The following PPP1R13B variants were observed in gnomAD, a reference collection of about 807,000 sequenced individuals.
PPP1R13B encodes the protein apoptosis-stimulating of p53 protein 1.
In PPP1R13B, 44 loss-of-function variants were observed where a neutral mutation model predicts 119.8. The ratio of observed to expected loss-of-function variants is 0.37; its 90% CI spans 0.29 to 0.47. The LOEUF is 0.47. Ranked by LOEUF, PPP1R13B falls within the 20% of genes least tolerant of loss-of-function variation. The pLI is 0.99. For synonymous variants in PPP1R13B, 542 were observed against 561.5 expected, an observed-to-expected ratio of 0.97 and a Z score of 0.49; for missense variants, 1,227 against 1,413.5, an observed-to-expected ratio of 0.87 and a Z score of 2.12.
intron 1 of PPP1R13B, among the ~76,000 whole-genome samples, chr14:103,843,976 C>T (rs1431314752): frequency 6.7e-6 from 1 of 148,368 alleles, no homozygotes; most frequent in Admixed American, 6.7e-5. Context: ...AGTGGAAAGG[C>T]CAGGTGCAGG....
intron 7 of PPP1R13B, among the ~76,000 whole-genome samples, chr14:103,752,398 G>A (rs1052503902): frequency 4.6e-5 from 7 of 152,124 alleles, no homozygotes; most frequent in South Asian, 4.1e-4. Flanking sequence ...TAAGAGGTGC[G>A]GGCCTTTTTT....
chr14:103,816,736 A>T (rs538867049), intron 1 of PPP1R13B, among the ~76,000 whole-genome samples: 187 of 152,172 alleles, frequency 1.2e-3, no homozygotes, highest in African/African-American at 4.4e-3. Context: ...AAACATTTAT[A>T]GCTGTACCTT....
chr14:103,836,612 TA>T (rs1009257634), intron 1 of PPP1R13B, among the ~76,000 whole-genome samples: 1 of 150,918 alleles, frequency 6.6e-6, no homozygotes, highest in East Asian at 2.0e-4. Flanking sequence ...CTACTAAAGA[TA>T]AAAAAAATTA....
intron 1 of PPP1R13B, among the ~76,000 whole-genome samples, chr14:103,822,122 G>T (rs1243532970): frequency 6.6e-6 from 1 of 151,902 alleles, no homozygotes. Flanking sequence ...CCCAAGAGAT[G>T]AGGATCAAAA....
At chr14:103,841,182 G>A (rs8004525) in intron 1 of PPP1R13B, among the ~76,000 whole-genome samples, 3,345 of 151,294 alleles carry the variant, frequency 0.022, 115 homozygotes, top group African/African-American at 0.076. Flanking sequence ...CTACTCGGGA[G>A]GCTGAGGCAG....
chr14:103,777,978 A>T (rs150258893), intron 4 of PPP1R13B, among the ~76,000 whole-genome samples: 3 of 143,478 alleles, frequency 2.1e-5, no homozygotes, highest in African/African-American at 7.8e-5. Flanking sequence ...TTTGAGATGG[A>T]ATTTCGCTCG....
chr14:103,769,326 A>T (rs1157773293), intron 4 of PPP1R13B, among the ~76,000 whole-genome samples: 1 of 151,982 alleles, frequency 6.6e-6, no homozygotes, highest in Non-Finnish European at 1.5e-5. Flanking sequence ...CCTGGCCTCA[A>T]GTGATCTGCC....
chr14:103,824,039 C>CTTTTTTTTTTTT (rs35194586), intron 1 of PPP1R13B, among the ~76,000 whole-genome samples: 1 of 75,112 alleles, frequency 1.3e-5, no homozygotes, highest in African/African-American at 5.2e-5. Flanking sequence ...CTACCTCATC[C>CTTTTTTTTTTTT]TTTTTTTTTT....
At chr14:103,794,925 T>G (rs1409640053) in intron 2 of PPP1R13B, among the ~76,000 whole-genome samples, 1 of 152,138 alleles carries the variant, frequency 6.6e-6, no homozygotes. Context: ...AAGATAGAGA[T>G]AAAAACTACT....
chr14:103,819,514 A>AAC (rs1567148691), intron 1 of PPP1R13B, among the ~76,000 whole-genome samples: 2 of 147,748 alleles, frequency 1.4e-5, no homozygotes, highest in African/African-American at 5.0e-5. Flanking sequence ...AAAACAAACA[A>AAC]ACAAAAAAAA....
intron 1 of PPP1R13B, among the ~76,000 whole-genome samples, chr14:103,834,581 CTTTTTTTTTTTTTT>C (rs1157222905): frequency 1.1e-5 from 1 of 89,378 alleles, no homozygotes; most frequent in African/African-American, 5.1e-5. Context: ...ATTTTAATGT[CTTTTTTTTTTTTTT>C]TTTTTTTTTT....
At chr14:103,838,801 T>C (rs1404640732) in intron 1 of PPP1R13B, among the ~76,000 whole-genome samples, 1 of 152,220 alleles carries the variant, frequency 6.6e-6, no homozygotes, top group East Asian at 1.9e-4. Context: ...GTTACTATTA[T>C]GCTCAACTCA....
At chr14:103,808,830 C>T (rs2086079214) in intron 1 of PPP1R13B, among the ~76,000 whole-genome samples, 2 of 151,996 alleles carry the variant, frequency 1.3e-5, no homozygotes, top group South Asian at 2.1e-4. Context: ...ATATTTAACC[C>T]TCTTACGAAG....
intron 4 of PPP1R13B, among the ~76,000 whole-genome samples, chr14:103,776,596 G>C (rs1160327828): frequency 6.6e-6 from 1 of 152,182 alleles, no homozygotes; most frequent in African/African-American, 2.4e-5. Context: ...AATCAGGCTG[G>C]GCGCGATGGC....
intron 4 of PPP1R13B, among the ~76,000 whole-genome samples, chr14:103,768,519 A>G (rs2084990319): frequency 6.6e-6 from 1 of 151,572 alleles, no homozygotes; most frequent in South Asian, 2.1e-4. Context: ...GGATGGTCTC[A>G]ATCTCCTGAC....
intron 7 of PPP1R13B, among the ~76,000 whole-genome samples, chr14:103,750,963 GGC>G (rs1473466067): frequency 1.3e-5 from 2 of 151,726 alleles, no homozygotes; most frequent in Non-Finnish European, 2.9e-5. Flanking sequence ...AGACCAGCCT[GGC>G]CAACATGGTG....
At chr14:103,816,038 C>T (rs981815819) in intron 1 of PPP1R13B, among the ~76,000 whole-genome samples, 67 of 152,032 alleles carry the variant, frequency 4.4e-4, no homozygotes, top group African/African-American at 1.5e-3. Context: ...GAGCTGAGAT[C>T]GCGCCACTGC....
At chr14:103,800,687 A>AT (rs887283011) in intron 1 of PPP1R13B, among the ~76,000 whole-genome samples, 8 of 151,546 alleles carry the variant, frequency 5.3e-5, no homozygotes, top group East Asian at 1.9e-4. Context: ...AAAAAAAAAG[A>AT]TTTTTTTTTC....
chr14:103,817,979 C>T (rs1259349636), intron 1 of PPP1R13B, among the ~76,000 whole-genome samples: 1 of 151,282 alleles, frequency 6.6e-6, no homozygotes, highest in Non-Finnish European at 1.5e-5. Context: ...TAATCTTTAC[C>T]CAAAAATTAT....
Sources: allele counts gnomAD v4.1 joint callset (sites outside exome capture counted in the v4.1 genomes callset), GRCh38; gene constraint gnomAD v4.1.1; transcripts MANE v1.5; gene names NCBI Gene and HGNC (gene_info 2026-07-23, HGNC 2026-07-21).